Variants in MATN4 observed in about 807,000 individuals in gnomAD.
MATN4 encodes the protein matrilin-4.
A neutral mutation model predicts 54.6 loss-of-function variants in MATN4; 40 were observed. That is an observed-to-expected ratio of 0.73 (90% confidence interval 0.57 to 0.95). The LOEUF (loss-of-function observed/expected upper bound fraction) is 0.95. Ranked by LOEUF, MATN4 falls within the 40% of genes least tolerant of loss-of-function variation. The pLI is 0.00. For synonymous variants in MATN4, 351 were observed against 345.3 expected (o/e 1.02, Z -0.18); for missense variants, 810 against 819.1 (o/e 0.99, Z 0.13).
intron 8 of MATN4, among the ~76,000 whole-genome samples, chr20:45,296,214 C>CAAAAAA (rs71181820): frequency 2.8e-5 from 1 of 35,490 alleles, no homozygotes. Context: ...GACTCCATCT[C>CAAAAAA]AAAAAAAAAA....
rs748878061 is a variant in MATN4, at chr20:45,304,736, C to T, written c.135G>A (p.Val45=). ...GCATGGTCTCGAACTCGAAAGGGCG[C>T]ACGCTGCGGGAGCTGTCAATCACGA... ...LVFVIDSSRS[V]RPFEFETMRQ... Residue 45 remains valine (V), a synonymous_variant, in exon 3 of 10, where the codon GTG becomes GTA. Coordinates refer to ENST00000372756, the MANE Select transcript of MATN4 (RefSeq NM_001393530.1). 3.0e-5 allele frequency: 48 copies of T among 1,609,890 alleles called. No individual in the cohort carries two copies. Among genetic ancestry groups the T allele is most frequent in the Non-Finnish European group, 3.9e-5 (46 of 1,177,390 alleles).
intron 8 of MATN4, among the ~76,000 whole-genome samples, chr20:45,295,193 T>C (rs555687287): frequency 6.6e-6 from 1 of 152,308 alleles, no homozygotes; most frequent in East Asian, 1.9e-4. Flanking sequence ...AATATTGTCT[T>C]CCGTAAAACC....
chr20:45,307,009 AC>A (rs1384705505), intron 1 of MATN4: 70 of 614,426 alleles, frequency 1.1e-4, no homozygotes, highest in Non-Finnish European at 1.3e-4. Context: ...CCACCCCCCC[AC>A]CCCCTCCCCA....
chr20:45,304,754 A>G lies in MATN4; in HGVS notation c.117T>C (p.Ile39=), dbSNP rs903192070. The G allele has an allele frequency of 6.3e-7, 1 of 1,598,836 alleles. No individual in the cohort carries two copies. The change falls in exon 3 of 10, where the codon ATT becomes ATC. Residue 39 remains isoleucine (I), a synonymous_variant. Coordinates refer to ENST00000372756, the MANE Select transcript of MATN4 (RefSeq NM_001393530.1). ...HTGPLDLVFV[I]DSSRSVRPFE... The stretch of plus-strand genomic sequence containing the variant: ...AAGGGCGCACGCTGCGGGAGCTGTC[A>G]ATCACGAACACCAGATCCAGGGGCC...
At chr20:45,302,107 G>A (rs745888877) in intron 3 of MATN4, among the ~76,000 whole-genome samples, 1 of 152,124 alleles carries the variant, frequency 6.6e-6, no homozygotes, top group Non-Finnish European at 1.5e-5. Flanking sequence ...TGATTAACAT[G>A]CATGGAACAA....
In MATN4 at chr20:45,301,007, G is replaced by A. The variant is rs142852256; in HGVS notation, c.892C>T (p.Arg298Trp). The A allele has an allele frequency of 1.1e-4, 171 of 1,613,970 alleles. No individual in the cohort carries two copies. Among genetic ancestry groups the A allele is most frequent in the Non-Finnish European group, 1.3e-4 (153 of 1,179,950 alleles). The change falls in exon 6 of 10, where the codon CGG (arginine) becomes TGG (tryptophan). Residue 298 changes from arginine (R) to tryptophan (W), a missense_variant and splice_region_variant. Coordinates refer to ENST00000372756, the MANE Select transcript of MATN4 (RefSeq NM_001393530.1). ...TGGTCCACGCCATTGCAAAGGTCCC[G>A]GACTGAAAGGAGAGACAGGTCAGGA... is the stretch of plus-strand genomic sequence containing the variant. ...LQPDGRSCQV[R>W]DLCNGVDHGC...
At chr20:45,300,000 TG>T (rs1340710508) in intron 6 of MATN4, among the ~76,000 whole-genome samples, 2 of 148,610 alleles carry the variant, frequency 1.3e-5, no homozygotes, top group Admixed American at 1.3e-4. Context: ...TGTGTGTGTG[TG>T]TTGGCGTGGG....
At chr20:45,305,993 G>C (rs1358067434) in intron 1 of MATN4, among the ~76,000 whole-genome samples, 2 of 151,192 alleles carry the variant, frequency 1.3e-5, no homozygotes, top group Non-Finnish European at 2.9e-5. Flanking sequence ...TTAGTAGAGA[G>C]CGGGTTTTGC....
Position 45,298,670 on chromosome 20 carries a change from T to C in MATN4, c.1013-87A>G. On this transcript the variant is annotated intron_variant, in intron 6 of 9. Coordinates refer to ENST00000372756, the MANE Select transcript of MATN4 (RefSeq NM_001393530.1). The surrounding 1 kb of genome is among the most constrained non-coding windows in gnomAD (Gnocchi z 4.6). ...CCATCTAGTCGTTCATTCGCAAACA[T>C]TTATTATATAACAGACAACATTTCC... The C allele has an allele frequency of 9.3e-7, 1 of 1,080,824 alleles. No homozygotes were observed. Among genetic ancestry groups the C allele is most frequent in the African/African-American group, 1.6e-5 (1 of 63,192 alleles). 67.0% of individuals were successfully genotyped at this position (1,080,824 alleles called of 1,614,324 possible).
chr20:45,304,171 G>T, intron 3 of MATN4, 57 bp downstream of exon 3: 1 of 1,366,710 alleles, frequency 7.3e-7, no homozygotes, highest in Non-Finnish European at 9.7e-7. Context: ...GGTGGGAAAG[G>T]AATCCAAGCA....
rs1475055976 is a variant in MATN4, at chr20:45,298,797, A to C, written c.1013-214T>G. ...ACCCTCATCATCGCCCTTGACATTT[A>C]TTCAGTGCTTAGAACAAACCACTCT... is the stretch of plus-strand genomic sequence containing the variant. On this transcript the variant is annotated intron_variant, in intron 6 of 9. Transcript: ENST00000372756. The surrounding 1 kb of genome is among the most constrained non-coding windows in gnomAD (Gnocchi z 4.6). Among the ~76,000 whole-genome samples, 3 of 152,190 alleles carry C rather than the reference A, an allele frequency of 2.0e-5. No individual in the cohort carries two copies. The highest frequency in any genetic ancestry group is 4.4e-5 in the Non-Finnish European group (3 of 68,032).
In MATN4 at chr20:45,304,744, G is replaced by A. The variant is rs778219579; in HGVS notation, c.127C>T (p.Arg43Cys). 6 of 1,604,118 alleles carry A rather than the reference G, an allele frequency of 3.7e-6. No individual in the cohort carries two copies. The highest frequency in any genetic ancestry group is 4.3e-6 in the Non-Finnish European group (5 of 1,172,978). Residue 43 changes from arginine to cysteine, a missense_variant, in exon 3 of 10, where the codon CGC becomes TGC. Coordinates refer to ENST00000372756, the MANE Select transcript of MATN4 (RefSeq NM_001393530.1). The stretch of plus-strand genomic sequence containing the variant: ...TCGAACTCGAAAGGGCGCACGCTGC[G>A]GGAGCTGTCAATCACGAACACCAGA... Reference protein sequence around the residue: ...LDLVFVIDSSRSVRPFEFETM... With the variant: ...LDLVFVIDSSCSVRPFEFETM...
chr20:45,303,082 CAAAAA>C (rs79635257), intron 3 of MATN4, among the ~76,000 whole-genome samples: 23 of 82,916 alleles, frequency 2.8e-4, no homozygotes, highest in Admixed American at 9.5e-4. Context: ...GACTCTGTCT[CAAAAA>C]AAAAAAAAAA....
Position 45,298,126 on chromosome 20 carries a change from C to A in MATN4, c.1426+44G>T. 1 of 1,602,162 alleles carries A rather than the reference C, an allele frequency of 6.2e-7. No homozygotes were observed. The highest frequency in any genetic ancestry group is 1.1e-5 in the South Asian group (1 of 90,542). On this transcript the variant is annotated intron_variant, in intron 7 of 9. Coordinates refer to ENST00000372756, the MANE Select transcript of MATN4 (RefSeq NM_001393530.1). This position sits in a 1 kb window ranked among gnomAD's most constrained non-coding sequence, Gnocchi z 4.6. ...AGGCCTCGGGAAAGCTGCCTCCCAGCGTCTGACCCAACCCCAGCCCACTGT... is the reference window on the plus strand; with the variant it reads ...AGGCCTCGGGAAAGCTGCCTCCCAGAGTCTGACCCAACCCCAGCCCACTGT...
At position 45,293,679 on chromosome 20, in the gene MATN4, T is replaced by A. The variant is rs1364502605; in HGVS notation, c.*88A>T. 7.8e-7 allele frequency: 1 copy of A among 1,286,736 alleles called. No homozygotes were observed. Among genetic ancestry groups the A allele is most frequent in the African/African-American group, 1.5e-5 (1 of 65,796 alleles). The allele number at this position is 1,286,736 out of a possible 1,614,324, so 79.7% of individuals were successfully genotyped here. ...ACAGCCCAAGCCGGACGGGCCCAGG[T>A]TCTGCCTGGCCCCGGCGCACCGATG... is the stretch of plus-strand genomic sequence containing the variant. On this transcript the variant is annotated 3_prime_UTR_variant, in exon 10 of 10. Coordinates refer to ENST00000372756, the MANE Select transcript of MATN4 (RefSeq NM_001393530.1).
intron 8 of MATN4, among the ~76,000 whole-genome samples, chr20:45,296,772 T>C (rs1377254609): frequency 6.6e-6 from 1 of 152,082 alleles, no homozygotes; most frequent in Middle Eastern, 3.2e-3. Context: ...AAGGACTGTA[T>C]GTGTATATTT....
Position 45,299,968 on chromosome 20 carries a change from TGTGTGTGTAGGG to T in MATN4, c.1012+907_1012+918del, listed in dbSNP as rs1163967288. The stretch of plus-strand genomic sequence containing the variant: ...GCAAGAAAATTGGTGTGTGTGGGTG[TGTGTGTGTAGGG>T]GTGTGTGTGTGTGTGTGTGTGTTGG... On this transcript the variant is annotated intron_variant, in intron 6 of 9. Coordinates refer to ENST00000372756, the MANE Select transcript of MATN4 (RefSeq NM_001393530.1). 1.1e-3 allele frequency among the ~76,000 whole-genome samples: 78 copies of T among 73,236 alleles called. 1 individual carries two copies. Among genetic ancestry groups the T allele is most frequent in the African/African-American group, 3.4e-3 (60 of 17,702 alleles). The allele number at this position is 73,236 out of a possible 152,430, so 48.0% of individuals were successfully genotyped here. A position where few individuals can be genotyped will look rare whatever the true frequency, so the allele number is the denominator to read the frequency against.
At chr20:45,297,193 A>AG (rs1329213087) in intron 8 of MATN4, among the ~76,000 whole-genome samples, 1 of 151,700 alleles carries the variant, frequency 6.6e-6, no homozygotes, top group Non-Finnish European at 1.5e-5. Flanking sequence ...AGCCCTACTT[A>AG]GTCTGTTTCT....
intron 3 of MATN4, among the ~76,000 whole-genome samples, chr20:45,301,773 G>T (rs1027526784): frequency 2.4e-4 from 36 of 151,944 alleles, no homozygotes; most frequent in African/African-American, 6.8e-4. Context: ...AAAGATGGCC[G>T]AGAGCTGGAC....
Sources: allele counts gnomAD v4.1 joint callset (sites outside exome capture counted in the v4.1 genomes callset), GRCh38; gene constraint gnomAD v4.1.1; non-coding constraint Gnocchi (gnomAD v3.1); transcripts MANE v1.5; gene names NCBI Gene and HGNC (gene_info 2026-07-23, HGNC 2026-07-21).